MYOM1: variants seen among roughly 807,000 people sequenced by gnomAD.
The protein encoded by MYOM1 is myomesin-1.
Under a neutral mutation model 205.3 loss-of-function variants are expected in MYOM1, and 164 were observed. That is an observed-to-expected ratio of 0.80 (90% confidence interval 0.70 to 0.91). MYOM1 has a LOEUF of 0.91. Among genes scored for constraint, MYOM1 ranks in the 40% least tolerant of loss-of-function variants. The pLI is 0.00. For synonymous variants in MYOM1, 772 were observed against 789.4 expected, an observed-to-expected ratio of 0.98 and a Z score of 0.37; for missense variants, 2,011 against 2,127.3, an observed-to-expected ratio of 0.95 and a Z score of 1.08.
intron 36 of MYOM1, among the ~76,000 whole-genome samples, chr18:3,074,805 T>C (rs1482968394): frequency 6.6e-6 from 1 of 152,132 alleles, no homozygotes; most frequent in African/African-American, 2.4e-5. Flanking sequence ...TTTTCTTTTG[T>C]TGTTGTTGTT....
intron 33 of MYOM1, among the ~76,000 whole-genome samples, chr18:3,083,430 T>TTC (rs1335168068): frequency 2.3e-4 from 28 of 120,528 alleles, no homozygotes; most frequent in Non-Finnish European, 3.9e-4. Flanking sequence ...TCTTTTTCTT[T>TTC]TTTTTTTTTT....
At chr18:3,184,391 G>C (rs1423522139) in intron 5 of MYOM1, among the ~76,000 whole-genome samples, 1 of 152,168 alleles carries the variant, frequency 6.6e-6, no homozygotes, top group Non-Finnish European at 1.5e-5. Context: ...TTTGTAAAGA[G>C]TGCCCTCCAA....
rs1396207008 is a variant in MYOM1 at position 3,187,563 on chromosome 18, T to C, written c.846A>G (p.Lys282=). 6.2e-7 allele frequency: 1 copy of C among 1,613,182 alleles called. No homozygotes were observed. Residue 282 remains lysine (K), a synonymous_variant, in exon 5 of 38, where the codon AAA becomes AAG. Coordinates refer to ENST00000356443, the MANE Select transcript of MYOM1 (RefSeq NM_003803.4). ...TCTCCCAAACCGTGTGGGAGCGAGG[T>C]TTAATGATAAACTCAGGAGCATGGA... ...HLLHAPEFII[K]PRSHTVWEKE...
At chr18:3,197,690 G>A (rs1298236389) in intron 2 of MYOM1, among the ~76,000 whole-genome samples, 25 of 151,838 alleles carry the variant, frequency 1.6e-4, no homozygotes, top group East Asian at 1.4e-3. Context: ...TAGCTAACAT[G>A]GTGAAACCCC....
At position 3,112,367 on chromosome 18, in the gene MYOM1, C is replaced by T. The variant is rs1365639091; in HGVS notation, c.3349G>A (p.Ala1117Thr). The change falls in exon 22 of 38, where the codon GCC (alanine) becomes ACC (threonine). Residue 1117 changes from alanine (A) to threonine (T), a missense_variant. Physicochemically the swap from Ala to Thr is moderately conservative, Grantham distance 58. Transcript: ENST00000356443. ...TTCCCAACTCCCGCCTGGTTTATGG[C>T]TCGAACACGGAACACGTAGCTGACG... Reference protein sequence around the residue: ...EGVSYVFRVRAINQAGVGKPS... With the variant: ...EGVSYVFRVRTINQAGVGKPS... 1 of 1,612,370 alleles carries T rather than the reference C, an allele frequency of 6.2e-7. No homozygotes were observed. The highest frequency in any genetic ancestry group is 2.2e-5 in the East Asian group (1 of 44,852).
intron 16 of MYOM1, among the ~76,000 whole-genome samples, chr18:3,132,824 C>A (rs2079897855): frequency 6.6e-6 from 1 of 152,182 alleles, no homozygotes; most frequent in Admixed American, 6.5e-5. Flanking sequence ...CAACCTAACT[C>A]TTTTCATAGC....
intron 33 of MYOM1, among the ~76,000 whole-genome samples, chr18:3,082,321 G>A (rs1454877827): frequency 6.6e-6 from 1 of 152,182 alleles, no homozygotes; most frequent in Non-Finnish European, 1.5e-5. Context: ...CCGGGCTCTG[G>A]AGCCAGGCTG....
At chr18:3,177,926 T>C (rs555717530) in intron 5 of MYOM1, among the ~76,000 whole-genome samples, 2 of 152,320 alleles carry the variant, frequency 1.3e-5, no homozygotes, top group South Asian at 4.1e-4. Flanking sequence ...TTCTGACTGT[T>C]CCATATCTGG....
At chr18:3,237,109 T>C in the MYOM1 span, among the ~76,000 whole-genome samples, 1 of 151,976 alleles carries the variant, frequency 6.6e-6, no homozygotes, top group South Asian at 2.1e-4. Context: ...ATTCAAGAGA[T>C]AATTGGTCAG....
intron 26 of MYOM1, among the ~76,000 whole-genome samples, chr18:3,092,398 GC>G (rs1220197362): frequency 6.6e-6 from 1 of 152,044 alleles, no homozygotes; most frequent in African/African-American, 2.4e-5. Flanking sequence ...TCACTATGTT[GC>G]CCAAGCTGGT....
At chr18:3,220,308 T>C (rs1192232109), upstream of MYOM1, among the ~76,000 whole-genome samples, 2 of 152,160 alleles carry the variant, frequency 1.3e-5, no homozygotes, top group Non-Finnish European at 2.9e-5. Flanking sequence ...TGATTCTGAG[T>C]GTGCTGTTAA....
intron 14 of MYOM1, among the ~76,000 whole-genome samples, chr18:3,136,163 C>A (rs542066942): frequency 6.6e-6 from 1 of 152,204 alleles, no homozygotes; most frequent in Non-Finnish European, 1.5e-5. Context: ...CTTTCGCCTT[C>A]CACCATGATT....
chr18:3,088,906 G>C (rs1346067007), intron 29 of MYOM1, among the ~76,000 whole-genome samples: 1 of 152,146 alleles, frequency 6.6e-6, no homozygotes, highest in South Asian at 2.1e-4. Flanking sequence ...GAGAGTCTTT[G>C]GAGATTACTA....
rs761625218 is a variant in MYOM1, at chr18:3,134,798, T to G, written c.2236A>C (p.Ile746Leu). 6 of 1,613,970 alleles carry G rather than the reference T, an allele frequency of 3.7e-6. No individual in the cohort carries two copies. The highest frequency in any genetic ancestry group is 1.6e-4 in the Middle Eastern group (1 of 6,062). Residue 746 changes from isoleucine (I) to leucine (L), a missense_variant, in exon 16 of 38, where the codon ATC becomes CTC. Transcript: ENST00000356443. Reference sequence around the variant, plus strand: ...GAGGTGTCTGTGTTTCTGCTTGGGATGATTTTGCCAGGAGCCTTGGGGATA... The same window carrying G: ...GAGGTGTCTGTGTTTCTGCTTGGGAGGATTTTGCCAGGAGCCTTGGGGATA... ...LDIPKAPGKI[I>L]PSRNTDTSVV... is the part of the protein sequence containing the mutation.
chr18:3,166,263 CT>C lies in MYOM1; in HGVS notation c.1340-1825del, dbSNP rs765532198. ...AGTCTGATCTCTTTCTATCTCAAGT[CT>C]TTTTTTTTTTTTTTTTTTTTATTTG... On this transcript the variant is annotated intron_variant, in intron 9 of 37. Transcript: ENST00000356443. Among the ~76,000 whole-genome samples the C allele has an allele frequency of 9.3e-3, 1,034 of 111,614 alleles. 5 individuals carry two copies. Among genetic ancestry groups the C allele is most frequent in the African/African-American group, 0.023 (635 of 28,064 alleles). The allele number at this position is 111,614 out of a possible 152,430, so 73.2% of individuals were successfully genotyped here.
chr18:3,104,964 G>T lies in MYOM1; in HGVS notation c.3419-2334C>A, dbSNP rs11664397. ...GGCTTTTGCCATGTTGGCCAGGCTG[G>T]TCTCAAACTCCTGAGCTCAAGTGAT... On this transcript the variant is annotated intron_variant, in intron 22 of 37. Coordinates refer to ENST00000356443, the MANE Select transcript of MYOM1 (RefSeq NM_003803.4). Among the ~76,000 whole-genome samples the T allele has an allele frequency of 9.2e-5, 14 of 152,170 alleles. No individual in the cohort carries two copies. The East Asian group carries it at 2.7e-3, about 29-fold the overall frequency.
chr18:3,174,355 GTC>G, intron 6 of MYOM1, 147 bp from the exon 7 acceptor site: 2 of 668,664 alleles, frequency 3.0e-6, no homozygotes, highest in Non-Finnish European at 5.2e-6. Flanking sequence ...ACAGCTATTT[GTC>G]TCTGATCTAG....
intron 37 of MYOM1, among the ~76,000 whole-genome samples, chr18:3,071,336 A>G (rs774849205): frequency 1.1e-4 from 16 of 152,138 alleles, no homozygotes; most frequent in Non-Finnish European, 1.9e-4. Context: ...TGCTTGACCT[A>G]TGAAACGTTA....
chr18:3,154,014 T>C (rs959271020), intron 11 of MYOM1, among the ~76,000 whole-genome samples: 4 of 152,204 alleles, frequency 2.6e-5, no homozygotes, highest in Non-Finnish European at 5.9e-5. Flanking sequence ...CAAGAACTTA[T>C]AGATAGTGAA....
Sources: allele counts gnomAD v4.1 joint callset (sites outside exome capture counted in the v4.1 genomes callset), GRCh38; gene constraint gnomAD v4.1.1; transcripts MANE v1.5; gene names NCBI Gene and HGNC (gene_info 2026-07-23, HGNC 2026-07-21).